USP46: variants seen among roughly 807,000 people sequenced by gnomAD.
The protein encoded by USP46 is ubiquitin specific peptidase 46.
Under a neutral mutation model 44.4 loss-of-function variants are expected in USP46, and 12 were observed. The observed-to-expected ratio is 0.27, with a 90% CI of 0.17 to 0.44. The LOEUF is 0.44. Among genes scored for constraint, USP46 ranks in the 20% least tolerant of loss-of-function variants. USP46 has a pLI of 1.00. For synonymous variants in USP46, 155 were observed against 161.5 expected (o/e 0.96, Z 0.31); for missense variants, 248 against 444.8 (o/e 0.56, Z 3.98).
At position 52,601,841 on chromosome 4, in the gene USP46, C is replaced by A. The variant is rs777538954; in HGVS notation, c.920+16G>T. On this transcript the variant is annotated intron_variant, in intron 7 of 8. Coordinates refer to ENST00000441222, the MANE Select transcript of USP46 (RefSeq NM_022832.4). ...TTACACTTACCCTGTATACCTGCTT[C>A]CAGTCTTGCCCTTACCTGCCACAGT... is the stretch of plus-strand genomic sequence containing the variant. 6.2e-7 allele frequency: 1 copy of A among 1,610,378 alleles called. No individual in the cohort carries two copies. The highest frequency in any genetic ancestry group is 1.7e-5 in the Admixed American group (1 of 59,918).
intron 1 of USP46, among the ~76,000 whole-genome samples, chr4:52,646,549 G>A (rs1431160234): frequency 6.6e-6 from 1 of 152,064 alleles, no homozygotes; most frequent in African/African-American, 2.4e-5. Flanking sequence ...GAGTAATTTT[G>A]TATCTGTCAA....
At chr4:52,621,955 G>T (rs1717389628) in intron 4 of USP46, among the ~76,000 whole-genome samples, 1 of 152,110 alleles carries the variant, frequency 6.6e-6, no homozygotes, top group Admixed American at 6.5e-5. Flanking sequence ...ACAAGAAATG[G>T]CCAATTCTCA....
At chr4:52,608,793 G>A (rs1716802761) in intron 5 of USP46, among the ~76,000 whole-genome samples, 1 of 152,146 alleles carries the variant, frequency 6.6e-6, no homozygotes, top group South Asian at 2.1e-4. Context: ...CCAATAACCT[G>A]GGGATCTCAT....
intron 1 of USP46, among the ~76,000 whole-genome samples, chr4:52,650,408 A>G (rs1419719448): frequency 1.3e-5 from 2 of 152,250 alleles, no homozygotes; most frequent in Non-Finnish European, 2.9e-5. Context: ...TCATAAATAC[A>G]AAGTAAAGTA....
intron 1 of USP46, among the ~76,000 whole-genome samples, chr4:52,640,428 G>A (rs1278986588): frequency 6.6e-6 from 1 of 152,128 alleles, no homozygotes; most frequent in Non-Finnish European, 1.5e-5. Context: ...CAGGGAGTAG[G>A]CCTAGAAGAA....
At chr4:52,658,275 G>A (rs1240001996) in intron 1 of USP46, 1 of 456,154 alleles carries the variant, frequency 2.2e-6, no homozygotes, top group Non-Finnish European at 4.4e-6. Flanking sequence ...AGGGCTGGAG[G>A]TTCTTCCTAC....
chr4:52,656,560 G>A lies in USP46; in HGVS notation c.36+2555C>T, dbSNP rs1247230803. ...GGTCTGAAATGGCATGATCTCCACT[G>A]TCCCTTAAACACCTGGTAGATGACA... On this transcript the variant is annotated intron_variant, in intron 1 of 8. Coordinates refer to ENST00000441222, the MANE Select transcript of USP46 (RefSeq NM_022832.4). 4.3e-6 allele frequency: 6 copies of A among 1,380,572 alleles called. No individual in the cohort carries two copies. In the East Asian group the frequency reaches 1.3e-4, roughly 31 times the overall value. The allele number at this position is 1,380,572 out of a possible 1,614,324, so 85.5% of individuals were successfully genotyped here.
chr4:52,659,301 G>T lies in USP46; in HGVS notation c.-151C>A. ...GGCTGGGAGAGGGAGGCCGGGAGGA[G>T]GAGGCGGCGGCGCGGGGAGGGCGGG... On this transcript the variant is annotated 5_prime_UTR_variant, in exon 1 of 9. Transcript: ENST00000441222. This position sits in a 1 kb window ranked among gnomAD's most constrained non-coding sequence, Gnocchi z 4.2. 1.5e-6 allele frequency: 1 copy of T among 674,234 alleles called. No homozygotes were observed. Among genetic ancestry groups the T allele is most frequent in the Non-Finnish European group, 2.2e-6 (1 of 449,774 alleles). The allele number at this position is 674,234 out of a possible 1,614,324, so 41.8% of individuals were successfully genotyped here. A position where few individuals can be genotyped will look rare whatever the true frequency, so the allele number is the denominator to read the frequency against.
chr4:52,594,300 A>G lies in USP46; in HGVS notation c.*3340T>C, dbSNP rs1228521240. On this transcript the variant is annotated 3_prime_UTR_variant, in exon 9 of 9. Transcript: ENST00000441222. ...TGAATTGGTTACATTTTAAAAAATT[A>G]AGGTACAGATTATTTTAAATAAAAA... 6.6e-6 allele frequency: 1 copy of G among 152,242 alleles called. No individual in the cohort carries two copies. Among genetic ancestry groups the G allele is most frequent in the African/African-American group, 2.4e-5 (1 of 41,464 alleles). The allele number at this position is 152,242 out of a possible 1,614,324, so 9.4% of individuals were successfully genotyped here.
intron 1 of USP46, among the ~76,000 whole-genome samples, chr4:52,640,852 G>C (rs1179522959): frequency 1.3e-5 from 2 of 148,558 alleles, no homozygotes; most frequent in Admixed American, 6.7e-5. Context: ...TATAATGAAA[G>C]TTTAGTAAAC....
At chr4:52,635,080 CTTTTT>C (rs74931782) in intron 1 of USP46, among the ~76,000 whole-genome samples, 8 of 135,416 alleles carry the variant, frequency 5.9e-5, no homozygotes, top group African/African-American at 1.4e-4. Flanking sequence ...TCTACTTCTT[CTTTTT>C]TTTTTTTTTT....
rs912869508 is a variant in USP46 at position 52,628,041 on chromosome 4, C to A, written c.240G>T (p.Leu80=). ...QKKKENLLTC[L]ADLFHSIATQ... ...TGGCAATGCTGTGGAAAAGGTCCGC[C>A]AGGCACGTCAGCAAGTTTTCCTTCT... Residue 80 remains leucine (L), a synonymous_variant, in exon 3 of 9, where the codon CTG becomes CTT. Coordinates refer to ENST00000441222, the MANE Select transcript of USP46 (RefSeq NM_022832.4). 6.2e-7 allele frequency: 1 copy of A among 1,613,822 alleles called. No individual in the cohort carries two copies. The highest frequency in any genetic ancestry group is 1.3e-5 in the African/African-American group (1 of 74,932).
intron 4 of USP46, 45 bp from the exon 5 acceptor site, chr4:52,610,662 G>C (rs755527987): frequency 6.3e-7 from 1 of 1,581,970 alleles, no homozygotes. Context: ...GAAATATGTA[G>C]TAGATAAAAC....
At chr4:52,624,882 A>G (rs551143372) in intron 4 of USP46, among the ~76,000 whole-genome samples, 209 of 152,316 alleles carry the variant, frequency 1.4e-3, no homozygotes, top group Middle Eastern at 0.014. Flanking sequence ...GGTCCTCACC[A>G]AGAACCTGAC....
At chr4:52,606,285 C>G (rs562406209) in intron 5 of USP46, among the ~76,000 whole-genome samples, 10 of 152,114 alleles carry the variant, frequency 6.6e-5, no homozygotes, top group Non-Finnish European at 1.5e-4. Flanking sequence ...AGTGCAGAGG[C>G]CTGGAGGTAG....
At chr4:52,647,762 AAC>A (rs1718603175) in intron 1 of USP46, among the ~76,000 whole-genome samples, 1 of 152,196 alleles carries the variant, frequency 6.6e-6, no homozygotes, top group African/African-American at 2.4e-5. Context: ...GCTGGTTTAT[AAC>A]ACACATGCTC....
intron 4 of USP46, among the ~76,000 whole-genome samples, chr4:52,611,641 C>G (rs1209686910): frequency 6.6e-6 from 1 of 152,150 alleles, no homozygotes; most frequent in Admixed American, 6.5e-5. Context: ...AATCACGGCT[C>G]TTTGGGAGAC....
chr4:52,655,594 T>C (rs986896650), intron 1 of USP46, among the ~76,000 whole-genome samples: 17 of 152,172 alleles, frequency 1.1e-4, no homozygotes, highest in African/African-American at 2.4e-5. Flanking sequence ...TGCAGGGCCA[T>C]AAAAATATAT....
At chr4:52,628,444 C>T (rs555541769) in intron 2 of USP46, 15 of 312,772 alleles carry the variant, frequency 4.8e-5, no homozygotes, top group East Asian at 1.6e-4. Flanking sequence ...AAGAGTCTAA[C>T]GAGACCTGCT....
Sources: gnomAD v4.1 joint callset for allele counts (sites outside exome capture counted in the v4.1 genomes callset) on GRCh38, gnomAD v4.1.1 for gene constraint, Gnocchi (gnomAD v3.1) non-coding constraint, MANE v1.5 for transcripts, NCBI Gene and HGNC (gene_info 2026-07-23, HGNC 2026-07-21) for gene names.